PLEKHA3: variants seen among roughly 807,000 people sequenced by gnomAD.
PLEKHA3 encodes the protein pleckstrin homology domain containing A3.
A neutral mutation model predicts 39.2 loss-of-function variants in PLEKHA3; 19 were observed. The ratio of observed to expected loss-of-function variants is 0.48; its 90% CI spans 0.34 to 0.71. The LOEUF is 0.71. Among genes scored for constraint, PLEKHA3 ranks in the 30% least tolerant of loss-of-function variants. The pLI, the probability that PLEKHA3 is intolerant of heterozygous loss-of-function variation, is 0.01. For missense variants in PLEKHA3, 253 were observed against 359.5 expected, an observed-to-expected ratio of 0.70 and a Z score of 2.40; for synonymous variants, 97 against 118.6, an observed-to-expected ratio of 0.82 and a Z score of 1.18.
intron 6 of PLEKHA3, among the ~76,000 whole-genome samples, chr2:178,499,665 C>T (rs758084715): frequency 2.6e-5 from 4 of 152,110 alleles, no homozygotes; most frequent in Non-Finnish European, 4.4e-5. Flanking sequence ...TTGTTACAGT[C>T]ACCCACAACA....
At chr2:178,500,745 A>G (rs145489971) in intron 6 of PLEKHA3, among the ~76,000 whole-genome samples, 3 of 152,176 alleles carry the variant, frequency 2.0e-5, no homozygotes, top group Non-Finnish European at 4.4e-5. Context: ...CATGAAACCT[A>G]TGACTTCTAG....
rs1302966608 is a variant in PLEKHA3, at chr2:178,513,214, G to T, written c.*9327G>T. On this transcript the variant is annotated 3_prime_UTR_variant, in exon 8 of 8. Coordinates refer to ENST00000234453, the MANE Select transcript of PLEKHA3 (RefSeq NM_019091.4). Reference sequence around the variant, plus strand: ...CTGGCTAATTTTTGTATTTTTGGTAGAGACGGGGTTTTACCGTGTTGGTCA... The same window carrying T: ...CTGGCTAATTTTTGTATTTTTGGTATAGACGGGGTTTTACCGTGTTGGTCA... The T allele has an allele frequency of 6.6e-6, 1 of 152,250 alleles. No individual in the cohort carries two copies. Among genetic ancestry groups the T allele is most frequent in the Non-Finnish European group, 1.5e-5 (1 of 68,094 alleles). The allele number at this position is 152,250 out of a possible 1,614,324, so 9.4% of individuals were successfully genotyped here. A position where few individuals can be genotyped will look rare whatever the true frequency, so the allele number is the denominator to read the frequency against.
At position 178,485,634 on chromosome 2, in the gene PLEKHA3, T is replaced by A; in HGVS notation, c.41-7T>A. The A allele has an allele frequency of 6.3e-7, 1 of 1,589,190 alleles. No homozygotes were observed. The highest frequency in any genetic ancestry group is 1.3e-5 in the African/African-American group (1 of 74,444). On this transcript the variant is annotated splice_polypyrimidine_tract_variant and splice_region_variant and intron_variant, in intron 1 of 7. Coordinates refer to ENST00000234453, the MANE Select transcript of PLEKHA3 (RefSeq NM_019091.4). ...AATTGACCTTTTGTTATTTATGGTC[T>A]TTTTAGGCTGGCAGCCTCGTTGGTT...
At chr2:178,492,205 G>T (rs527705014) in intron 3 of PLEKHA3, among the ~76,000 whole-genome samples, 78 of 151,788 alleles carry the variant, frequency 5.1e-4, no homozygotes, top group African/African-American at 1.8e-3. Flanking sequence ...TAAATTATAG[G>T]TATTGAGAAA....
intron 7 of PLEKHA3, 53 bp from the exon 8 acceptor site, chr2:178,503,707 G>T: frequency 6.3e-7 from 1 of 1,580,104 alleles, no homozygotes; most frequent in Non-Finnish European, 8.7e-7. Flanking sequence ...TTTCACAGAG[G>T]ACTGGAGTTA....
intron 5 of PLEKHA3, among the ~76,000 whole-genome samples, chr2:178,498,480 C>G (rs1685481760): frequency 6.6e-6 from 1 of 152,156 alleles, no homozygotes; most frequent in South Asian, 2.1e-4. Context: ...TTAGTATAAT[C>G]TTTGTTTTTC....
At chr2:178,490,225 G>C (rs967956713) in intron 2 of PLEKHA3, among the ~76,000 whole-genome samples, 3 of 152,196 alleles carry the variant, frequency 2.0e-5, no homozygotes, top group African/African-American at 7.2e-5. Context: ...TTTTCTGACA[G>C]AAGGTGGCTG....
intron 5 of PLEKHA3, 77 bp from the exon 6 acceptor site, chr2:178,499,134 A>C (rs1472253275): frequency 3.7e-6 from 5 of 1,351,274 alleles, no homozygotes; most frequent in Non-Finnish European, 5.1e-6. Context: ...TATTATGATA[A>C]TAGTAAATTA....
Position 178,491,183 on chromosome 2 carries a change from G to C in PLEKHA3, c.313+369G>C, listed in dbSNP as rs548815995. Among the ~76,000 whole-genome samples the C allele has an allele frequency of 6.6e-5, 10 of 152,012 alleles. No individual in the cohort carries two copies. In the South Asian group the frequency reaches 2.1e-3, roughly 32 times the overall value. ...CTGCTACCATGCCTGGCTAATTTTTGTATTTTTAGTAGAGACGGGGTTTCA... is the reference window on the plus strand; with the variant it reads ...CTGCTACCATGCCTGGCTAATTTTTCTATTTTTAGTAGAGACGGGGTTTCA... On this transcript the variant is annotated intron_variant, in intron 3 of 7. Coordinates refer to ENST00000234453, the MANE Select transcript of PLEKHA3 (RefSeq NM_019091.4).
rs190911127 is a variant in PLEKHA3 at position 178,496,608 on chromosome 2, G to A, written c.615+948G>A. 9.8e-3 allele frequency among the ~76,000 whole-genome samples: 1,495 copies of A among 152,274 alleles called. 14 individuals are homozygous for A. Among genetic ancestry groups the A allele is most frequent in the Non-Finnish European group, 0.017 (1,150 of 68,030 alleles). On this transcript the variant is annotated intron_variant, in intron 5 of 7. Transcript: ENST00000234453. ...GCTAATAGTTTCCTCTGAGGCAAGC[G>A]TACCATGAAAATGAGTTTTATGGCC...
chr2:178,495,450 A>C (rs374685573), intron 4 of PLEKHA3, 46 bp from the exon 5 acceptor site: 700 of 1,575,432 alleles, frequency 4.4e-4, no homozygotes, highest in Non-Finnish European at 5.5e-4. Context: ...ATATGATTCC[A>C]TGTAGTTGTA....
In PLEKHA3 at chr2:178,513,732, A is replaced by G. The variant is rs1394283613; in HGVS notation, c.*9845A>G. 6.6e-6 allele frequency: 1 copy of G among 151,934 alleles called. No individual in the cohort carries two copies. Among genetic ancestry groups the G allele is most frequent in the East Asian group, 1.9e-4 (1 of 5,198 alleles). The allele number at this position is 151,934 out of a possible 1,614,324, so 9.4% of individuals were successfully genotyped here. A position where few individuals can be genotyped will look rare whatever the true frequency, so the allele number is the denominator to read the frequency against. On this transcript the variant is annotated 3_prime_UTR_variant, in exon 8 of 8. Transcript: ENST00000234453. ...TAGAAGTTACCACTACTTGGTCAAA[A>G]TAGAGAGTTGTGGGTTTTTTTTTTT... is the stretch of plus-strand genomic sequence containing the variant.
chr2:178,497,729 C>CT (rs941114115), intron 5 of PLEKHA3, among the ~76,000 whole-genome samples: 51 of 146,718 alleles, frequency 3.5e-4, no homozygotes, highest in African/African-American at 7.0e-4. Context: ...AAAGGGTACA[C>CT]TTTTTTTTTT....
chr2:178,511,812 C>T lies in PLEKHA3; in HGVS notation c.*7925C>T, dbSNP rs941199272. The T allele has an allele frequency of 6.6e-6, 1 of 152,186 alleles. No homozygotes were observed. The highest frequency in any genetic ancestry group is 1.5e-5 in the Non-Finnish European group (1 of 68,096). The allele number at this position is 152,186 out of a possible 1,614,324, so 9.4% of individuals were successfully genotyped here. A position where few individuals can be genotyped will look rare whatever the true frequency, so the allele number is the denominator to read the frequency against. ...GGATTACAGGCGGGAGCCACCGTGC[C>T]TGACCTGACCTCTCCATCTTTGGCG... On this transcript the variant is annotated 3_prime_UTR_variant, in exon 8 of 8. Coordinates refer to ENST00000234453, the MANE Select transcript of PLEKHA3 (RefSeq NM_019091.4).
chr2:178,490,032 A>G (rs989558930), intron 2 of PLEKHA3, among the ~76,000 whole-genome samples: 4 of 152,212 alleles, frequency 2.6e-5, no homozygotes, highest in Non-Finnish European at 2.9e-5. Context: ...TTTGTTTTAC[A>G]ACAAAGACTT....
In PLEKHA3 at chr2:178,515,429, T is replaced by A. The variant is rs1321846095; in HGVS notation, c.*11542T>A. On this transcript the variant is annotated 3_prime_UTR_variant, in exon 8 of 8. Coordinates refer to ENST00000234453, the MANE Select transcript of PLEKHA3 (RefSeq NM_019091.4). ...ACTTTTCTCATTCTGTCTACCTTTT[T>A]AAAATTTTATTCACTTTATCTTTTT... 2.0e-5 allele frequency: 3 copies of A among 152,192 alleles called. No homozygotes were observed. Among genetic ancestry groups the A allele is most frequent in the African/African-American group, 7.2e-5 (3 of 41,462 alleles). The allele number at this position is 152,192 out of a possible 1,614,324, so 9.4% of individuals were successfully genotyped here.
intron 7 of PLEKHA3, chr2:178,502,399 C>A: frequency 2.4e-6 from 1 of 422,202 alleles, no homozygotes. Context: ...CTTTCTTGGG[C>A]CAATCAAGCA....
In PLEKHA3 at chr2:178,516,110, A is replaced by G. The variant is rs1347830991; in HGVS notation, c.*12223A>G. On this transcript the variant is annotated 3_prime_UTR_variant, in exon 8 of 8. Transcript: ENST00000234453. ...TATATATACATAAAATGATTCTTGC[A>G]AAAGTAGTTATGGGTATTTAAGTGA... 6.6e-6 allele frequency: 1 copy of G among 151,544 alleles called. No homozygotes were observed. The highest frequency in any genetic ancestry group is 1.5e-5 in the Non-Finnish European group (1 of 67,832). 9.4% of individuals were successfully genotyped at this position (151,544 alleles called of 1,614,324 possible). A position where few individuals can be genotyped will look rare whatever the true frequency, so the allele number is the denominator to read the frequency against.
chr2:178,482,437 G>T (rs1191482530), intron 1 of PLEKHA3, among the ~76,000 whole-genome samples: 1 of 151,992 alleles, frequency 6.6e-6, no homozygotes, highest in Non-Finnish European at 1.5e-5. Flanking sequence ...TACTGAGGAG[G>T]CGGAGGCGAA....
Sources: gnomAD v4.1 joint callset for allele counts (sites outside exome capture counted in the v4.1 genomes callset) on GRCh38, gnomAD v4.1.1 for gene constraint, MANE v1.5 for transcripts, NCBI Gene and HGNC (gene_info 2026-07-23, HGNC 2026-07-21) for gene names.